Variants in CDH13 observed in about 807,000 individuals in gnomAD.
CDH13 encodes the protein cadherin 13.
In CDH13, 24 loss-of-function variants were observed where a neutral mutation model predicts 63.8. The observed-to-expected ratio is 0.38, with a 90% confidence interval of 0.27 to 0.53. The LOEUF is 0.53. Ranked by LOEUF, CDH13 falls within the 20% of genes least tolerant of loss-of-function variation. The probability of loss-of-function intolerance (pLI) is 0.85; values close to 1 mark genes in which losing one functional copy is unlikely to be tolerated. For missense variants in CDH13, 1,049 were observed against 903.1 expected, an observed-to-expected ratio of 1.16 and a Z score of -2.07; for synonymous variants, 503 against 355.3, an observed-to-expected ratio of 1.42 and a Z score of -4.67.
chr16:83,367,927 C>A (rs753212825), intron 6 of CDH13, among the ~76,000 whole-genome samples: 1 of 152,070 alleles, frequency 6.6e-6, no homozygotes, highest in Non-Finnish European at 1.5e-5. Context: ...ATATAGAATG[C>A]CTTTCCATTT....
intron 4 of CDH13, among the ~76,000 whole-genome samples, chr16:83,191,104 A>G (rs915844071): frequency 6.6e-6 from 1 of 151,016 alleles, no homozygotes; most frequent in Admixed American, 6.6e-5. Flanking sequence ...ATAGTTTCTT[A>G]ACCTAAACTT....
At chr16:82,656,362 T>C (rs1911296246) in intron 1 of CDH13, among the ~76,000 whole-genome samples, 2 of 151,516 alleles carry the variant, frequency 1.3e-5, no homozygotes, top group Non-Finnish European at 1.5e-5. Flanking sequence ...GATGAGGGGC[T>C]AGAGAGGAAG....
intron 1 of CDH13, among the ~76,000 whole-genome samples, chr16:82,629,238 C>T (rs1347476438): frequency 2.6e-5 from 4 of 152,196 alleles, no homozygotes; most frequent in Non-Finnish European, 4.4e-5. Context: ...CAGGTGGGTT[C>T]TGAAGGCTCA....
intron 5 of CDH13, among the ~76,000 whole-genome samples, chr16:83,260,717 A>G (rs1006732918): frequency 2.6e-5 from 4 of 152,180 alleles, no homozygotes; most frequent in African/African-American, 9.6e-5. Flanking sequence ...CGACAGCCCC[A>G]TCCAGTAATG....
chr16:83,438,781 A>G (rs2072397485), intron 6 of CDH13, among the ~76,000 whole-genome samples: 1 of 152,232 alleles, frequency 6.6e-6, no homozygotes, highest in Admixed American at 6.5e-5. Context: ...GATGTTGAAC[A>G]TATTTTGTAC....
At chr16:83,050,244 G>C (rs1203382967) in intron 3 of CDH13, among the ~76,000 whole-genome samples, 2 of 152,146 alleles carry the variant, frequency 1.3e-5, no homozygotes, top group Non-Finnish European at 2.9e-5. Context: ...ATACCTAGGA[G>C]TGGAATTGCT....
intron 3 of CDH13, among the ~76,000 whole-genome samples, chr16:83,084,817 G>A (rs141240533): frequency 4.6e-5 from 7 of 152,310 alleles, no homozygotes; most frequent in Admixed American, 2.0e-4. Context: ...GAACCCAGGA[G>A]GCAGAGGTTG....
intron 2 of CDH13, among the ~76,000 whole-genome samples, chr16:82,961,094 G>C (rs1398540720): frequency 6.6e-6 from 1 of 152,132 alleles, no homozygotes; most frequent in Non-Finnish European, 1.5e-5. Flanking sequence ...AACTGCCACT[G>C]CCTCCCCACA....
intron 2 of CDH13, among the ~76,000 whole-genome samples, chr16:82,993,264 G>C (rs1333683537): frequency 6.6e-6 from 1 of 151,922 alleles, no homozygotes; most frequent in African/African-American, 2.4e-5. Context: ...AGATGTCTTG[G>C]GCTCTCCCAC....
At chr16:83,105,840 G>A (rs1026077605) in intron 3 of CDH13, among the ~76,000 whole-genome samples, 3 of 152,188 alleles carry the variant, frequency 2.0e-5, no homozygotes, top group Admixed American at 6.5e-5. Flanking sequence ...TATCAGGCAG[G>A]TAGTGAAGAC....
rs536473152 is a variant in CDH13, at chr16:83,634,296, T to G, written c.1101+31702T>G. 1.4e-3 allele frequency among the ~76,000 whole-genome samples: 216 copies of G among 152,302 alleles called. 2 individuals carry two copies. Among genetic ancestry groups the G allele is most frequent in the African/African-American group, 4.9e-3 (205 of 41,562 alleles). The stretch of plus-strand genomic sequence containing the variant: ...GTTGTATTAACCTTCCCCTTACTCT[T>G]GGGCTTCTCCCCTGGCAATTATTAA... On this transcript the variant is annotated intron_variant, in intron 8 of 13. Coordinates refer to ENST00000567109, the MANE Select transcript of CDH13 (RefSeq NM_001257.5).
At chr16:83,018,098 T>G (rs997746904) in intron 2 of CDH13, among the ~76,000 whole-genome samples, 5 of 152,120 alleles carry the variant, frequency 3.3e-5, no homozygotes, top group South Asian at 4.1e-4. Flanking sequence ...GCCTTTGGAG[T>G]GTGGTGAACC....
intron 2 of CDH13, among the ~76,000 whole-genome samples, chr16:82,937,993 A>G (rs1046395173): frequency 6.6e-6 from 1 of 152,220 alleles, no homozygotes. Context: ...CCCTGTAACA[A>G]TGGAATTGTG....
intron 1 of CDH13, among the ~76,000 whole-genome samples, chr16:82,682,078 G>T (rs181862322): frequency 7.9e-5 from 12 of 152,356 alleles, no homozygotes; most frequent in Admixed American, 1.3e-4. Flanking sequence ...TAGATAACAT[G>T]TATTGAATTT....
At chr16:82,640,649 A>T (rs1909284266) in intron 1 of CDH13, among the ~76,000 whole-genome samples, 1 of 152,162 alleles carries the variant, frequency 6.6e-6, no homozygotes, top group Non-Finnish European at 1.5e-5. Context: ...AGTTGGTCAA[A>T]CTTGTTTAAG....
rs371662613 is a variant in CDH13 at position 82,632,778 on chromosome 16, G to A, written c.45+5641G>A. ...CATTTAATTTCTGTATTGTTACATTGTAATATATAATGAAATAATTCTACA... is the reference window on the plus strand; with the variant it reads ...CATTTAATTTCTGTATTGTTACATTATAATATATAATGAAATAATTCTACA... On this transcript the variant is annotated intron_variant, in intron 1 of 13. Transcript: ENST00000567109. Among the ~76,000 whole-genome samples, 75 of 152,228 alleles carry A rather than the reference G, an allele frequency of 4.9e-4. No homozygotes were observed. The South Asian group carries it at 0.013, about 27-fold the overall frequency.
At chr16:83,514,274 C>T (rs755405166) in intron 7 of CDH13, among the ~76,000 whole-genome samples, 8 of 152,218 alleles carry the variant, frequency 5.3e-5, no homozygotes, top group Non-Finnish European at 8.8e-5. Flanking sequence ...TGTGTCTTTT[C>T]AGATGTAATT....
At chr16:82,958,589 A>G (rs1385674960) in intron 2 of CDH13, among the ~76,000 whole-genome samples, 1 of 152,246 alleles carries the variant, frequency 6.6e-6, no homozygotes, top group Non-Finnish European at 1.5e-5. Context: ...GGCATGGTCA[A>G]TTTGAGTGGT....
rs1276963792 is a variant in CDH13, at chr16:83,748,267, G to C, written c.1681+17G>C. On this transcript the variant is annotated intron_variant, in intron 11 of 13. Transcript: ENST00000567109. ...TTGACAGTGGTGAGTACTTGACAAA[G>C]ACCATCAAGGGTATACTTTTCTGCT... 2 of 1,589,874 alleles carry C rather than the reference G, an allele frequency of 1.3e-6. No homozygotes were observed. Among genetic ancestry groups the C allele is most frequent in the South Asian group, 2.3e-5 (2 of 88,294 alleles).
Sources: gnomAD v4.1 joint callset for allele counts (sites outside exome capture counted in the v4.1 genomes callset) on GRCh38, gnomAD v4.1.1 for gene constraint, MANE v1.5 for transcripts, NCBI Gene and HGNC (gene_info 2026-07-23, HGNC 2026-07-21) for gene names.